The following COL9A2 variants were observed in gnomAD, a reference collection of about 807,000 sequenced individuals.
The protein encoded by COL9A2 is collagen type IX alpha 2 chain.
COL9A2 carries 66 observed loss-of-function variants against 111.6 expected under a neutral mutation model. The ratio of observed to expected loss-of-function variants is 0.59; its 90% CI spans 0.48 to 0.73. The LOEUF (loss-of-function observed/expected upper bound fraction) is 0.73. Ranked by LOEUF, COL9A2 falls within the 30% of genes least tolerant of loss-of-function variation. The pLI is 0.00. For missense variants in COL9A2, 881 were observed against 954.1 expected (o/e 0.92, Z 1.01); for synonymous variants, 353 against 364.1 (o/e 0.97, Z 0.35).
In COL9A2 at chr1:40,310,967, A is replaced by T; in HGVS notation, c.630+126T>A. 2.2e-6 allele frequency: 3 copies of T among 1,340,862 alleles called. No homozygotes were observed. Among genetic ancestry groups the T allele is most frequent in the African/African-American group, 1.4e-5 (1 of 69,460 alleles). 83.1% of individuals were successfully genotyped at this position (1,340,862 alleles called of 1,614,324 possible). On this transcript the variant is annotated intron_variant, in intron 12 of 31. Coordinates refer to ENST00000372748, the MANE Select transcript of COL9A2 (RefSeq NM_001852.4). This position sits in a 1 kb window ranked among gnomAD's most constrained non-coding sequence, Gnocchi z 4.9. ...ATGCCGACCTGGAGCACAGGCCTCC[A>T]GCCCCCGGCTCAAGGCTCTGTCCCC...
At position 40,304,079 on chromosome 1, in the gene COL9A2, C is replaced by A; in HGVS notation, c.1308G>T (p.Gly436=). The change falls in exon 25 of 32, where the codon GGG becomes GGT. Residue 436 remains glycine, a synonymous_variant. Coordinates refer to ENST00000372748, the MANE Select transcript of COL9A2 (RefSeq NM_001852.4). ...TGGAACTCACCACTTTGCCGCGGGG[C>A]CCGGTCTTCCCTGGGGAGCCCTGGA... The part of the protein sequence containing the change: ...KGDKGSPGKT[G]PRGKVGDPGV... 2 of 1,572,564 alleles carry A rather than the reference C, an allele frequency of 1.3e-6. No individual in the cohort carries two copies. Among genetic ancestry groups the A allele is most frequent in the Non-Finnish European group, 8.6e-7 (1 of 1,160,260 alleles).
At chr1:40,304,588 AC>A (rs1330779734) in intron 22 of COL9A2, 59 bp from the exon 23 acceptor site, 1 of 1,596,860 alleles carries the variant, frequency 6.3e-7, no homozygotes, top group East Asian at 2.2e-5. Flanking sequence ...AGCCTCCCGC[AC>A]CGAGGCCTGG....
Position 40,307,852 on chromosome 1 carries a change from G to C in COL9A2, c.901-96C>G. ...TCCTCTGAGACAGCTGCAGTGTGCA[G>C]GGAGGGAGTGGCTCTGGTCATCCCA... On this transcript the variant is annotated intron_variant, in intron 17 of 31. Coordinates refer to ENST00000372748, the MANE Select transcript of COL9A2 (RefSeq NM_001852.4). The surrounding 1 kb of genome is among the most constrained non-coding windows in gnomAD (Gnocchi z 4.8). 2.3e-6 allele frequency: 3 copies of C among 1,328,560 alleles called. No individual in the cohort carries two copies. Among genetic ancestry groups the C allele is most frequent in the Non-Finnish European group, 3.2e-6 (3 of 933,222 alleles). 82.3% of individuals were successfully genotyped at this position (1,328,560 alleles called of 1,614,324 possible). A position where few individuals can be genotyped will look rare whatever the true frequency, so the allele number is the denominator to read the frequency against.
At position 40,310,001 on chromosome 1, in the gene COL9A2, A is replaced by C; in HGVS notation, c.793-10T>G. 1 of 1,614,182 alleles carries C rather than the reference A, an allele frequency of 6.2e-7. No individual in the cohort carries two copies. Among genetic ancestry groups the C allele is most frequent in the Non-Finnish European group, 8.5e-7 (1 of 1,180,034 alleles). On this transcript the variant is annotated splice_polypyrimidine_tract_variant and intron_variant, in intron 15 of 31. Transcript: ENST00000372748. This position sits in a 1 kb window ranked among gnomAD's most constrained non-coding sequence, Gnocchi z 4.9. ...TAGGACCTTCCTCACCCTGGCAAGAAAGACAAGCAGGAATCCAGGTCACAC... is the reference window on the plus strand; with the variant it reads ...TAGGACCTTCCTCACCCTGGCAAGACAGACAAGCAGGAATCCAGGTCACAC...
rs1042714724 is a variant in COL9A2, at chr1:40,314,069, G to T, written c.249+136C>A. ...CCAGGAAGGTCACAAGTCATATCAA[G>T]GTGAGGGGGGCTCACAGCTGGAGAA... On this transcript the variant is annotated intron_variant, in intron 4 of 31. Coordinates refer to ENST00000372748, the MANE Select transcript of COL9A2 (RefSeq NM_001852.4). This position sits in a 1 kb window ranked among gnomAD's most constrained non-coding sequence, Gnocchi z 4.1. The T allele has an allele frequency of 6.1e-6, 6 of 982,610 alleles. No homozygotes were observed. The highest frequency in any genetic ancestry group is 6.6e-6 in the Non-Finnish European group (4 of 609,468). 60.9% of individuals were successfully genotyped at this position (982,610 alleles called of 1,614,324 possible). A position where few individuals can be genotyped will look rare whatever the true frequency, so the allele number is the denominator to read the frequency against.
chr1:40,301,114 A>T lies in COL9A2; in HGVS notation c.*68T>A, dbSNP rs1569690053. On this transcript the variant is annotated 3_prime_UTR_variant, in exon 32 of 32. Transcript: ENST00000372748. Reference sequence around the variant, plus strand: ...GGTTTCCTGGACTGGGGATGGGTGCATGTCCACCCAGAGGGGACCTGGTCC... The same window carrying T: ...GGTTTCCTGGACTGGGGATGGGTGCTTGTCCACCCAGAGGGGACCTGGTCC... 8 of 1,541,582 alleles carry T rather than the reference A, an allele frequency of 5.2e-6. No individual in the cohort carries two copies. The East Asian group carries it at 1.8e-4, about 35-fold the overall frequency.
Position 40,312,173 on chromosome 1 carries a change from G to T in COL9A2, c.364-61C>A. The T allele has an allele frequency of 2.8e-6, 4 of 1,417,424 alleles. No homozygotes were observed. The highest frequency in any genetic ancestry group is 1.4e-5 in the African/African-American group (1 of 70,266). The allele number at this position is 1,417,424 out of a possible 1,614,324, so 87.8% of individuals were successfully genotyped here. A position where few individuals can be genotyped will look rare whatever the true frequency, so the allele number is the denominator to read the frequency against. On this transcript the variant is annotated intron_variant, in intron 7 of 31. Transcript: ENST00000372748. This position sits in a 1 kb window ranked among gnomAD's most constrained non-coding sequence, Gnocchi z 6.0. ...GAGGGTCAGATACCCTGGGCACAAA[G>T]GTAGAGACAGGCACCCAAAGCCCGT...
rs1213631758 is a variant in COL9A2, at chr1:40,311,595, C to T, written c.472-48G>A. ...AGCTTGGCCTGACCCTTTCCCGCCG[C>T]AGGCTTGCTCAAAGACCCTTCTCCT... On this transcript the variant is annotated intron_variant, in intron 9 of 31. Coordinates refer to ENST00000372748, the MANE Select transcript of COL9A2 (RefSeq NM_001852.4). This position sits in a 1 kb window ranked among gnomAD's most constrained non-coding sequence, Gnocchi z 5.1. 6.2e-7 allele frequency: 1 copy of T among 1,613,928 alleles called. No individual in the cohort carries two copies. Among genetic ancestry groups the T allele is most frequent in the Non-Finnish European group, 8.5e-7 (1 of 1,179,888 alleles).
chr1:40,315,195 G>C, intron 2 of COL9A2: 1 of 1,038,246 alleles, frequency 9.6e-7, no homozygotes, highest in Non-Finnish European at 1.2e-6. Flanking sequence ...ACAGGAGTCT[G>C]GCCCAAGCTG....
chr1:40,307,455 C>T lies in COL9A2; in HGVS notation c.999G>A (p.Gln333=). ...TCCACCTGACACTTACCGCTAGGCC[C>T]TGGTGGCCTGGACTTCCGGGCTGTC... ...QAGQPGSPGH[Q]GLAGVPGQPG... Residue 333 remains glutamine (Q), a synonymous_variant, in exon 19 of 32, where the codon CAG becomes CAA. Transcript: ENST00000372748. This position sits in a 1 kb window ranked among gnomAD's most constrained non-coding sequence, Gnocchi z 4.8. 1 of 1,614,072 alleles carries T rather than the reference C, an allele frequency of 6.2e-7. No homozygotes were observed. Among genetic ancestry groups the T allele is most frequent in the Non-Finnish European group, 8.5e-7 (1 of 1,180,000 alleles).
chr1:40,310,895 T>C lies in COL9A2; in HGVS notation c.631-128A>G. 1 of 1,048,790 alleles carries C rather than the reference T, an allele frequency of 9.5e-7. No individual in the cohort carries two copies. Among genetic ancestry groups the C allele is most frequent in the Non-Finnish European group, 1.4e-6 (1 of 690,878 alleles). 65.0% of individuals were successfully genotyped at this position (1,048,790 alleles called of 1,614,324 possible). On this transcript the variant is annotated intron_variant, in intron 12 of 31. Coordinates refer to ENST00000372748, the MANE Select transcript of COL9A2 (RefSeq NM_001852.4). This position sits in a 1 kb window ranked among gnomAD's most constrained non-coding sequence, Gnocchi z 4.9. The stretch of plus-strand genomic sequence containing the variant: ...GGGACTACTACGAACCCTACAGTCC[T>C]GTGTTACAGATAGAGAAAAGCCAAG...
In COL9A2 at chr1:40,311,593, C is replaced by A. The variant is rs374687517; in HGVS notation, c.472-46G>T. The A allele has an allele frequency of 1.2e-6, 2 of 1,613,756 alleles. No individual in the cohort carries two copies. Among genetic ancestry groups the A allele is most frequent in the Middle Eastern group, 1.6e-4 (1 of 6,082 alleles). On this transcript the variant is annotated intron_variant, in intron 9 of 31. Transcript: ENST00000372748. The surrounding 1 kb of genome is among the most constrained non-coding windows in gnomAD (Gnocchi z 5.1). ...GGAGCTTGGCCTGACCCTTTCCCGCCGCAGGCTTGCTCAAAGACCCTTCTC... is the reference window on the plus strand; with the variant it reads ...GGAGCTTGGCCTGACCCTTTCCCGCAGCAGGCTTGCTCAAAGACCCTTCTC...
In COL9A2 at chr1:40,310,051, T is replaced by G; in HGVS notation, c.792+60A>C. The G allele has an allele frequency of 1.2e-6, 2 of 1,613,166 alleles. No individual in the cohort carries two copies. The highest frequency in any genetic ancestry group is 1.7e-6 in the Non-Finnish European group (2 of 1,179,148). The stretch of plus-strand genomic sequence containing the variant: ...CAGGCTCAGGGGGAGCCATGCCCAC[T>G]CTGTGGCTGTAGCTGTAGGAGCTCC... On this transcript the variant is annotated intron_variant, in intron 15 of 31. Transcript: ENST00000372748. The surrounding 1 kb of genome is among the most constrained non-coding windows in gnomAD (Gnocchi z 4.9).
chr1:40,305,222 C>T (rs370037047), intron 21 of COL9A2, among the ~76,000 whole-genome samples: 1 of 151,966 alleles, frequency 6.6e-6, no homozygotes. Flanking sequence ...TGCCTGCCAC[C>T]GCCCCAGGCT....
Position 40,307,386 on chromosome 1 carries a change from A to G in COL9A2, c.1008+60T>C. 1 of 1,520,444 alleles carries G rather than the reference A, an allele frequency of 6.6e-7. No individual in the cohort carries two copies. Among genetic ancestry groups the G allele is most frequent in the Non-Finnish European group, 9.1e-7 (1 of 1,102,676 alleles). The allele number at this position is 1,520,444 out of a possible 1,614,324, so 94.2% of individuals were successfully genotyped here. ...GAGCAAGAGCCCCGGGTGTGTGTGG[A>G]TTCTAACCTCATCAGCCACTAGCCC... On this transcript the variant is annotated intron_variant, in intron 19 of 31. Coordinates refer to ENST00000372748, the MANE Select transcript of COL9A2 (RefSeq NM_001852.4). The surrounding 1 kb of genome is among the most constrained non-coding windows in gnomAD (Gnocchi z 4.8).
In COL9A2 at chr1:40,312,297, C is replaced by G; in HGVS notation, c.363+159G>C. The G allele has an allele frequency of 8.9e-7, 1 of 1,126,766 alleles. No homozygotes were observed. Among genetic ancestry groups the G allele is most frequent in the Non-Finnish European group, 1.3e-6 (1 of 763,650 alleles). 69.8% of individuals were successfully genotyped at this position (1,126,766 alleles called of 1,614,324 possible). On this transcript the variant is annotated intron_variant, in intron 7 of 31. Transcript: ENST00000372748. This position sits in a 1 kb window ranked among gnomAD's most constrained non-coding sequence, Gnocchi z 6.0. ...GAATTGCAGAGCCAGTGGACAGGCC[C>G]AGAGTGGGCTGGCCCTGGGTCTCTG...
intron 19 of COL9A2, among the ~76,000 whole-genome samples, chr1:40,306,457 G>A (rs1311269780): frequency 2.0e-5 from 3 of 152,194 alleles, no homozygotes; most frequent in South Asian, 2.1e-4. Context: ...GTGAGTGCAC[G>A]CAGGAACACA....
In COL9A2 at chr1:40,304,852, A is replaced by C; in HGVS notation, c.1108-5T>G. 6.5e-7 allele frequency: 1 copy of C among 1,549,844 alleles called. No individual in the cohort carries two copies. The highest frequency in any genetic ancestry group is 1.2e-5 in the South Asian group (1 of 84,038). On this transcript the variant is annotated splice_region_variant and splice_polypyrimidine_tract_variant and intron_variant, in intron 21 of 31. Transcript: ENST00000372748. ...TCCTCGAGGCCCTGGCTCTCCCTGG[A>C]GGAAGGAGAAATTGGGGCTAAGCGT... is the stretch of plus-strand genomic sequence containing the variant.
rs1219660809 is a variant in COL9A2, at chr1:40,315,672, A to G, written c.76-8T>C. ...CTCTCCCGGTGGACCTCTCTGAAAAACACACACGGGGTGGGGCAGTCCTCA... is the reference window on the plus strand; with the variant it reads ...CTCTCCCGGTGGACCTCTCTGAAAAGCACACACGGGGTGGGGCAGTCCTCA... On this transcript the variant is annotated splice_polypyrimidine_tract_variant and splice_region_variant and intron_variant, in intron 1 of 31. Coordinates refer to ENST00000372748, the MANE Select transcript of COL9A2 (RefSeq NM_001852.4). The G allele has an allele frequency of 8.4e-6, 13 of 1,551,100 alleles. No individual in the cohort carries two copies. The highest frequency in any genetic ancestry group is 1.7e-4 in the Middle Eastern group (1 of 5,978).
Sources: allele counts gnomAD v4.1 joint callset (sites outside exome capture counted in the v4.1 genomes callset), GRCh38; gene constraint gnomAD v4.1.1; non-coding constraint Gnocchi (gnomAD v3.1); transcripts MANE v1.5; gene names NCBI Gene and HGNC (gene_info 2026-07-23, HGNC 2026-07-21).